Variants in METTL15 observed in about 807,000 individuals in gnomAD.
The protein encoded by METTL15 is 12S rRNA N(4)-cytidine methyltransferase METTL15.
METTL15 carries 34 observed loss-of-function variants against 38.3 expected under a neutral mutation model. The observed-to-expected ratio is 0.89, with a 90% CI of 0.68 to 1.18. The LOEUF is 1.18. Among genes scored for constraint, METTL15 ranks in the 50% most tolerant of loss-of-function variants. METTL15 has a pLI of 0.00. For synonymous variants in METTL15, 162 were observed against 170.9 expected (o/e 0.95, Z 0.41); for missense variants, 438 against 498.4 (o/e 0.88, Z 1.15).
rs1260379941 is a variant in METTL15 at position 28,250,593 on chromosome 11, A to T, written c.407+39395A>T. Among the ~76,000 whole-genome samples, 3 of 151,704 alleles carry T rather than the reference A, an allele frequency of 2.0e-5. No individual in the cohort carries two copies. In the East Asian group the frequency reaches 5.8e-4, roughly 29 times the overall value. On this transcript the variant is annotated intron_variant, in intron 4 of 6. Transcript: ENST00000407364. ...AAAAAAAAAATGATGTTTTTCCTAC[A>T]TCATTTGCTTCTTTCTCAGAAAAGT...
intron 5 of METTL15, among the ~76,000 whole-genome samples, chr11:28,367,157 T>A (rs1385484421): frequency 3.4e-5 from 5 of 149,082 alleles, no homozygotes; most frequent in South Asian, 2.2e-4. Flanking sequence ...TGACTCAGAG[T>A]GTTGACAGGG....
chr11:28,511,257 T>C (rs542863706), intron 6 of METTL15, among the ~76,000 whole-genome samples: 1 of 152,354 alleles, frequency 6.6e-6, no homozygotes, highest in South Asian at 2.1e-4. Flanking sequence ...ACTAATAGCC[T>C]GGTGTTGACC....
At chr11:28,421,387 A>G (rs1850819035) in intron 5 of METTL15, among the ~76,000 whole-genome samples, 1 of 152,030 alleles carries the variant, frequency 6.6e-6, no homozygotes, top group African/African-American at 2.4e-5. Context: ...CCCTGCTACC[A>G]AAACAAAAGA....
At chr11:28,213,039 A>C (rs1852707609) in intron 4 of METTL15, among the ~76,000 whole-genome samples, 1 of 152,072 alleles carries the variant, frequency 6.6e-6, no homozygotes. Flanking sequence ...AGATAGATGA[A>C]GTGATTTGCT....
chr11:28,275,741 A>T (rs911286133), intron 4 of METTL15, among the ~76,000 whole-genome samples: 2 of 152,000 alleles, frequency 1.3e-5, no homozygotes, highest in African/African-American at 2.4e-5. Flanking sequence ...CATCAAAAAG[A>T]TTCACCATGA....
intron 5 of METTL15, among the ~76,000 whole-genome samples, chr11:28,403,556 A>G (rs1020226752): frequency 6.6e-6 from 1 of 152,042 alleles, no homozygotes; most frequent in Non-Finnish European, 1.5e-5. Context: ...CATACAGGAG[A>G]AAACAATATA....
At chr11:28,371,068 T>G (rs1479917629) in intron 5 of METTL15, among the ~76,000 whole-genome samples, 1 of 152,102 alleles carries the variant, frequency 6.6e-6, no homozygotes, top group Non-Finnish European at 1.5e-5. Flanking sequence ...GTAATCCTAT[T>G]TATTTTTGAT....
intron 5 of METTL15, among the ~76,000 whole-genome samples, chr11:28,406,646 T>C (rs1000456532): frequency 2.0e-5 from 3 of 152,180 alleles, no homozygotes; most frequent in African/African-American, 7.2e-5. Context: ...ACAGTTTGAC[T>C]TCATCTCTTC....
intron 6 of METTL15, among the ~76,000 whole-genome samples, chr11:28,301,193 T>C (rs974977051): frequency 1.3e-5 from 2 of 152,114 alleles, no homozygotes; most frequent in African/African-American, 4.8e-5. Context: ...TCTTATAGTC[T>C]TTCCAGCACA....
intron 5 of METTL15, among the ~76,000 whole-genome samples, chr11:28,293,752 T>C (rs531655658): frequency 6.6e-6 from 1 of 152,326 alleles, no homozygotes; most frequent in Admixed American, 6.5e-5. Context: ...TTTGTAGTTC[T>C]CCTTGAAGAG....
chr11:28,193,119 A>T (rs945942997), intron 3 of METTL15, among the ~76,000 whole-genome samples: 14 of 152,110 alleles, frequency 9.2e-5, no homozygotes, highest in African/African-American at 3.4e-4. Flanking sequence ...AGGAGAATAC[A>T]ACACTATACT....
chr11:28,508,865 A>C (rs891557570), intron 6 of METTL15, among the ~76,000 whole-genome samples: 1 of 152,258 alleles, frequency 6.6e-6, no homozygotes. Flanking sequence ...ATTTAGGGAT[A>C]AGACCAAAGT....
At chr11:28,238,983 G>T (rs79669792) in intron 4 of METTL15, among the ~76,000 whole-genome samples, 5,000 of 151,546 alleles carry the variant, frequency 0.033, 277 homozygotes, top group African/African-American at 0.11. Flanking sequence ...TATCTGTACT[G>T]TTCCTTGTCA....
intron 5 of METTL15, among the ~76,000 whole-genome samples, chr11:28,384,458 G>A (rs571467249): frequency 8.8e-4 from 133 of 151,954 alleles, no homozygotes; most frequent in African/African-American, 3.0e-3. Flanking sequence ...ACAGACATGC[G>A]TCATCATACC....
chr11:28,377,187 C>T (rs1312282153), intron 5 of METTL15, among the ~76,000 whole-genome samples: 4 of 147,572 alleles, frequency 2.7e-5, no homozygotes, highest in Non-Finnish European at 4.5e-5. Flanking sequence ...TCTGTATTTC[C>T]TGAATCTGAA....
intron 3 of METTL15, among the ~76,000 whole-genome samples, chr11:28,343,351 C>A (rs1590339824): frequency 6.6e-6 from 1 of 152,126 alleles, no homozygotes; most frequent in East Asian, 1.9e-4. Flanking sequence ...TATTGAATTT[C>A]AAAATCCCTT....
In METTL15 at chr11:28,392,329, C is replaced by G. The variant is rs1303340285; in HGVS notation, c.*358+30293C>G. On this transcript the variant is annotated intron_variant and NMD_transcript_variant, in intron 5 of 7. Coordinates refer to the METTL15 transcript ENST00000532947. Reference sequence around the variant, plus strand: ...GCTGGATGCCTCAAACTCCTGATTTCAAAACAAGTTATAAGGCTAAAGTAA... The same window carrying G: ...GCTGGATGCCTCAAACTCCTGATTTGAAAACAAGTTATAAGGCTAAAGTAA... Among the ~76,000 whole-genome samples, 6 of 152,052 alleles carry G rather than the reference C, an allele frequency of 3.9e-5. No individual in the cohort carries two copies. In the South Asian group the frequency reaches 1.2e-3, roughly 32 times the overall value.
At chr11:28,524,665 G>A (rs1486528668) in intron 6 of METTL15, among the ~76,000 whole-genome samples, 1 of 152,198 alleles carries the variant, frequency 6.6e-6, no homozygotes, top group African/African-American at 2.4e-5. Flanking sequence ...AATCAGCAAG[G>A]TAAAGGAGTA....
intron 6 of METTL15, among the ~76,000 whole-genome samples, chr11:28,516,250 A>G (rs186279466): frequency 2.1e-4 from 32 of 152,318 alleles, no homozygotes; most frequent in Admixed American, 5.2e-4. Context: ...CCTAGATATT[A>G]GCTATTGGCT....
Sources: allele counts gnomAD v4.1 joint callset (sites outside exome capture counted in the v4.1 genomes callset), GRCh38; gene constraint gnomAD v4.1.1; transcripts MANE v1.5; gene names NCBI Gene and HGNC (gene_info 2026-07-23, HGNC 2026-07-21).